The following SCARA5 variants were observed in gnomAD, a reference collection of about 807,000 sequenced individuals.
SCARA5 encodes the protein scavenger receptor class A member 5, also known as scavenger receptor class A, member 5 (putative).
A neutral mutation model predicts 46.3 loss-of-function variants in SCARA5; 45 were observed. The ratio of observed to expected loss-of-function variants is 0.97; its 90% confidence interval spans 0.76 to 1.24. SCARA5 has a LOEUF of 1.24. Ranked by LOEUF, SCARA5 falls within the 50% of genes most tolerant of loss-of-function variation. SCARA5 has a pLI of 0.00. For synonymous variants in SCARA5, 333 were observed against 306.5 expected, an observed-to-expected ratio of 1.09 and a Z score of -0.90; for missense variants, 680 against 689.0, an observed-to-expected ratio of 0.99 and a Z score of 0.15.
At chr8:27,881,751 T>G (rs1806816261) in intron 7 of SCARA5, among the ~76,000 whole-genome samples, 1 of 152,114 alleles carries the variant, frequency 6.6e-6, no homozygotes, top group South Asian at 2.1e-4. Context: ...AAAAATTGAT[T>G]GAAAGGTACA....
chr8:27,891,206 T>G (rs12547009), intron 7 of SCARA5, among the ~76,000 whole-genome samples: 122,548 of 149,028 alleles, frequency 0.82, 51,114 homozygotes, highest in Non-Finnish European at 0.91. Context: ...TTTGTTTTTT[T>G]TTTGTTTTTT....
chr8:27,977,134 G>C (rs536893801), intron 2 of SCARA5, among the ~76,000 whole-genome samples: 1 of 152,170 alleles, frequency 6.6e-6, no homozygotes, highest in Non-Finnish European at 1.5e-5. Flanking sequence ...GAGAGTGAGG[G>C]AGCCGCTGGG....
intron 4 of SCARA5, among the ~76,000 whole-genome samples, chr8:27,917,408 G>T (rs937628372): frequency 6.6e-6 from 1 of 152,154 alleles, no homozygotes; most frequent in African/African-American, 2.4e-5. Flanking sequence ...GTCTGGGGAG[G>T]TCTGAGAGGG....
At chr8:27,885,622 A>C (rs955951198) in intron 7 of SCARA5, among the ~76,000 whole-genome samples, 4 of 152,124 alleles carry the variant, frequency 2.6e-5, no homozygotes, top group African/African-American at 9.7e-5. Flanking sequence ...TGGCAACCTG[A>C]ATGGAGAATC....
rs745779716 is a variant in SCARA5 at position 27,921,997 on chromosome 8, C to T, written c.490G>A (p.Glu164Lys). Residue 164 changes from glutamate to lysine, a missense_variant, in exon 4 of 9, where the codon GAG becomes AAG. This residue lies in a region of SCARA5 where 438 missense variants were observed against 384.5 expected (regional missense o/e 1.14). Transcript: ENST00000354914. Reference sequence around the variant, plus strand: ...TCCCGCAGCAGGGCCACCGCCTGCTCGGTCTGCACCGCCTGCGCCTGCAGC... The same window carrying T: ...TCCCGCAGCAGGGCCACCGCCTGCTTGGTCTGCACCGCCTGCGCCTGCAGC... ...WGLQAQAVQT[E>K]QAVALLRDRT... The T allele has an allele frequency of 2.8e-5, 43 of 1,555,942 alleles. No individual in the cohort carries two copies. Among genetic ancestry groups the T allele is most frequent in the Non-Finnish European group, 3.6e-5 (42 of 1,159,356 alleles).
At chr8:27,885,085 G>A (rs1035407638) in intron 7 of SCARA5, among the ~76,000 whole-genome samples, 3 of 151,512 alleles carry the variant, frequency 2.0e-5, no homozygotes, top group Non-Finnish European at 4.4e-5. Flanking sequence ...AGTGGACAAG[G>A]AAGGAAATGA....
At chr8:27,990,000 C>T (rs1808764775) in intron 1 of SCARA5, among the ~76,000 whole-genome samples, 1 of 152,250 alleles carries the variant, frequency 6.6e-6, no homozygotes, top group South Asian at 2.1e-4. Context: ...CCTCTGCTTC[C>T]CAGAGGCCAC....
At chr8:27,892,827 C>T (rs1039249698) in intron 7 of SCARA5, among the ~76,000 whole-genome samples, 4 of 152,108 alleles carry the variant, frequency 2.6e-5, no homozygotes, top group East Asian at 1.9e-4. Context: ...AGGATGGTCT[C>T]GATCTCCTGA....
intron 2 of SCARA5, among the ~76,000 whole-genome samples, chr8:27,979,553 G>C (rs1463257706): frequency 6.6e-6 from 1 of 150,866 alleles, no homozygotes; most frequent in Non-Finnish European, 1.5e-5. Flanking sequence ...GAGCCTGCCT[G>C]ACTTTTTTTT....
At chr8:27,879,060 G>C (rs1177225752) in intron 8 of SCARA5, among the ~76,000 whole-genome samples, 2 of 152,144 alleles carry the variant, frequency 1.3e-5, no homozygotes, top group African/African-American at 4.8e-5. Context: ...CTCCAAACTA[G>C]ATGACAGAAC....
At chr8:27,928,867 C>T (rs145566777) in intron 3 of SCARA5, among the ~76,000 whole-genome samples, 5,866 of 152,040 alleles carry the variant, frequency 0.039, 262 homozygotes, top group African/African-American at 0.11. Context: ...GGTTTCGCCA[C>T]GTTGGCCAGG....
At chr8:27,907,727 G>A (rs1404473475) in intron 5 of SCARA5, among the ~76,000 whole-genome samples, 2 of 151,826 alleles carry the variant, frequency 1.3e-5, no homozygotes, top group African/African-American at 2.4e-5. Context: ...ACGCCGCCAC[G>A]CCCAGCTAAT....
intron 7 of SCARA5, among the ~76,000 whole-genome samples, chr8:27,901,080 T>C (rs898281648): frequency 2.6e-5 from 4 of 152,072 alleles, no homozygotes; most frequent in African/African-American, 9.7e-5. Context: ...GATCAAAACA[T>C]GGGTAAACAA....
chr8:27,899,238 T>A (rs1042846023), intron 7 of SCARA5, among the ~76,000 whole-genome samples: 1 of 152,218 alleles, frequency 6.6e-6, no homozygotes, highest in Admixed American at 6.5e-5. Context: ...AGGTTGATTA[T>A]GTCAGAATGG....
chr8:27,981,520 C>T (rs977921624), intron 2 of SCARA5, among the ~76,000 whole-genome samples: 1 of 152,358 alleles, frequency 6.6e-6, no homozygotes, highest in Admixed American at 6.5e-5. Flanking sequence ...TCACCCACCT[C>T]CTGCCGGGGC....
chr8:27,957,201 C>T (rs1808219783), intron 3 of SCARA5, among the ~76,000 whole-genome samples: 1 of 152,180 alleles, frequency 6.6e-6, no homozygotes, highest in African/African-American at 2.4e-5. Flanking sequence ...AAGGGTTGGG[C>T]ACTGCATGAT....
intron 8 of SCARA5, among the ~76,000 whole-genome samples, chr8:27,876,652 G>A (rs753839226): frequency 6.6e-6 from 1 of 152,150 alleles, no homozygotes; most frequent in Non-Finnish European, 1.5e-5. Context: ...GAAGGTCACC[G>A]GACACTTGGG....
In SCARA5 at chr8:27,992,276, G is replaced by A. The variant is rs1180475439; in HGVS notation, c.-35C>T. The stretch of plus-strand genomic sequence containing the variant: ...ACTCACCTGAGTGCCCCTGGCTGAG[G>A]CTGTAGAGCCTTGTCCCCTCAGATC... On this transcript the variant is annotated 5_prime_UTR_variant, in exon 1 of 9. Transcript: ENST00000354914. 1 of 152,310 alleles carries A rather than the reference G, an allele frequency of 6.6e-6. No homozygotes were observed. The highest frequency in any genetic ancestry group is 1.5e-5 in the Non-Finnish European group (1 of 68,116). 9.4% of individuals were successfully genotyped at this position (152,310 alleles called of 1,614,324 possible).
At chr8:27,902,747 C>A (rs1367376300) in intron 7 of SCARA5, among the ~76,000 whole-genome samples, 1 of 152,118 alleles carries the variant, frequency 6.6e-6, no homozygotes, top group Non-Finnish European at 1.5e-5. Context: ...AAAACAGCAC[C>A]CCGAAGACAG....
Sources: allele counts gnomAD v4.1 joint callset (sites outside exome capture counted in the v4.1 genomes callset), GRCh38; gene constraint gnomAD v4.1.1; regional missense constraint gnomAD v4.1.1; transcripts MANE v1.5; gene names NCBI Gene and HGNC (gene_info 2026-07-23, HGNC 2026-07-21).